Variants in C2CD2 observed in about 807,000 individuals in gnomAD.
C2CD2 encodes C2 domain-containing protein 2.
C2CD2 carries 43 observed loss-of-function variants against 74.3 expected under a neutral mutation model. The ratio of observed to expected loss-of-function variants is 0.58; its 90% CI spans 0.45 to 0.75. C2CD2 has a LOEUF of 0.75. Ranked by LOEUF, C2CD2 falls within the 30% of genes least tolerant of loss-of-function variation. The pLI, the probability that C2CD2 is intolerant of heterozygous loss-of-function variation, is 0.00. For missense variants in C2CD2, 801 were observed against 916.3 expected, an observed-to-expected ratio of 0.87 and a Z score of 1.63; for synonymous variants, 422 against 390.7, an observed-to-expected ratio of 1.08 and a Z score of -0.94.
intron 1 of C2CD2, among the ~76,000 whole-genome samples, chr21:41,942,473 C>CT (rs1367253513): frequency 6.6e-6 from 1 of 152,254 alleles, no homozygotes; most frequent in East Asian, 1.9e-4. Context: ...TGGGAGAAGG[C>CT]TGGGAAAGGA....
chr21:41,907,876 C>T, intron 8 of C2CD2, 92 bp from the exon 9 acceptor site: 9 of 1,359,880 alleles, frequency 6.6e-6, no homozygotes, highest in Middle Eastern at 2.3e-4. Context: ...AGCCGGAACA[C>T]GCTCCTCCCG....
intron 5 of C2CD2, among the ~76,000 whole-genome samples, chr21:41,915,438 T>C (rs893788544): frequency 5.3e-5 from 8 of 150,696 alleles, no homozygotes; most frequent in African/African-American, 2.0e-4. Context: ...CTGCCAAGAG[T>C]GTTCTTTTTT....
At chr21:41,909,726 G>A (rs569470948) in intron 7 of C2CD2, among the ~76,000 whole-genome samples, 2 of 152,286 alleles carry the variant, frequency 1.3e-5, no homozygotes, top group East Asian at 3.9e-4. Context: ...TCGGTGACTA[G>A]CCTTCCAGAG....
chr21:41,901,728 G>A lies in C2CD2; in HGVS notation c.1454C>T (p.Ser485Leu), dbSNP rs146103479. 22 of 1,613,892 alleles carry A rather than the reference G, an allele frequency of 1.4e-5. No homozygotes were observed. Among genetic ancestry groups the A allele is most frequent in the Middle Eastern group, 3.3e-4 (2 of 6,062 alleles). ...AATGGCCACTTCAGCCACTGGATCC[G>A]AACCATTCAACACCAACAATTCTAC... ...SDTELLVLNGSDPVAEVAIRQ... is the reference protein window; with the variant it reads ...SDTELLVLNGLDPVAEVAIRQ... The change falls in exon 12 of 14, where the codon TCG (serine) becomes TTG (leucine). Residue 485 changes from serine (S) to leucine (L), a missense_variant. Physicochemically the swap from Ser to Leu is moderately radical, Grantham distance 145 (BLOSUM62 -2). Coordinates refer to ENST00000380486, the MANE Select transcript of C2CD2 (RefSeq NM_015500.2).
Position 41,892,214 on chromosome 21 carries a change from T to G in C2CD2, c.1871-2870A>C, listed in dbSNP as rs1261658822. Among the ~76,000 whole-genome samples the G allele has an allele frequency of 6.6e-6, 1 of 152,084 alleles. No homozygotes were observed. The highest frequency in any genetic ancestry group is 2.4e-5 in the African/African-American group (1 of 41,398). On this transcript the variant is annotated intron_variant, in intron 13 of 13. Coordinates refer to ENST00000380486, the MANE Select transcript of C2CD2 (RefSeq NM_015500.2). This position sits in a 1 kb window ranked among gnomAD's most constrained non-coding sequence, Gnocchi z 4.6. ...TCACAGGAAGGATGCCACGTGAAGA[T>G]GAAGGCAGAGCACAGGGTGATGCTT...
chr21:41,937,831 G>A (rs2065321105), intron 2 of C2CD2, among the ~76,000 whole-genome samples: 1 of 152,180 alleles, frequency 6.6e-6, no homozygotes, highest in Non-Finnish European at 1.5e-5. Context: ...AGAACATTAT[G>A]TTAAGGGAAA....
rs1318041810 is a variant in C2CD2 at position 41,909,481 on chromosome 21, T to C, written c.996A>G (p.Ser332=). 1 of 1,613,760 alleles carries C rather than the reference T, an allele frequency of 6.2e-7. No homozygotes were observed. The highest frequency in any genetic ancestry group is 8.5e-7 in the Non-Finnish European group (1 of 1,179,634). The change falls in exon 8 of 14, where the codon TCA becomes TCG. Residue 332 remains serine (S), a synonymous_variant. Coordinates refer to ENST00000380486, the MANE Select transcript of C2CD2 (RefSeq NM_015500.2). ...CACCTTCTGAGGATCGCCCAGCCTCTGAAATCTGCAGGTGTAACTCCTTCG... is the reference window on the plus strand; with the variant it reads ...CACCTTCTGAGGATCGCCCAGCCTCCGAAATCTGCAGGTGTAACTCCTTCG... ...AKSKELHLQI[S]EAGRSSEGLL... is the part of the protein sequence containing the mutation.
rs950320332 is a variant in C2CD2, at chr21:41,923,630, A to G, written c.379-1545T>C. On this transcript the variant is annotated intron_variant, in intron 2 of 13. Coordinates refer to ENST00000380486, the MANE Select transcript of C2CD2 (RefSeq NM_015500.2). This position sits in a 1 kb window ranked among gnomAD's most constrained non-coding sequence, Gnocchi z 5.8. ...CAGAATTATAAAATGAGCTCGTTGA[A>G]GAAACTGTCAGACAGAGAAAGATAA... Among the ~76,000 whole-genome samples the G allele has an allele frequency of 6.6e-6, 1 of 152,226 alleles. No homozygotes were observed. Among genetic ancestry groups the G allele is most frequent in the African/African-American group, 2.4e-5 (1 of 41,464 alleles).
chr21:41,902,474 C>T (rs2064911075), intron 11 of C2CD2, among the ~76,000 whole-genome samples: 1 of 152,180 alleles, frequency 6.6e-6, no homozygotes, highest in Non-Finnish European at 1.5e-5. Flanking sequence ...CCTTTTATCC[C>T]ATTTGACCAT....
Position 41,907,660 on chromosome 21 carries a change from C to T in C2CD2, c.1143G>A (p.Glu381=). 1 of 1,610,980 alleles carries T rather than the reference C, an allele frequency of 6.2e-7. No homozygotes were observed. The highest frequency in any genetic ancestry group is 8.5e-7 in the Non-Finnish European group (1 of 1,179,468). Residue 381 remains glutamate, a splice_region_variant and synonymous_variant, in exon 9 of 14, where the codon GAG becomes GAA. Transcript: ENST00000380486. ...GSSVLGSVTA[E]FSYMEPGELK... ...GCCGCGGCGGACAGCCTCGCCCTAC[C>T]TCTGCCGTGACCGAGCCCAGCACCG...
chr21:41,917,979 C>A, intron 5 of C2CD2, 126 bp downstream of exon 5: 1 of 1,080,802 alleles, frequency 9.3e-7, no homozygotes, highest in Non-Finnish European at 1.4e-6. Context: ...CCAGCAAGCA[C>A]CCGAGCCATC....
At chr21:41,917,436 T>C (rs1282127559) in intron 5 of C2CD2, among the ~76,000 whole-genome samples, 2 of 152,242 alleles carry the variant, frequency 1.3e-5, no homozygotes, top group African/African-American at 2.4e-5. Context: ...GTGCCTGTTG[T>C]ACGTAATCAT....
At chr21:41,908,482 G>A (rs1483919947) in intron 8 of C2CD2, 1 of 152,354 alleles carries the variant, frequency 6.6e-6, no homozygotes, top group African/African-American at 2.4e-5. Flanking sequence ...AATGGGATCA[G>A]AAGTTGACTT....
intron 13 of C2CD2, among the ~76,000 whole-genome samples, chr21:41,898,693 G>A (rs1601550206): frequency 6.6e-6 from 1 of 152,308 alleles, no homozygotes; most frequent in East Asian, 1.9e-4. Flanking sequence ...AGTGGAAGGA[G>A]CCCCAGGCTC....
At chr21:41,912,881 A>G (rs1158879807) in intron 6 of C2CD2, among the ~76,000 whole-genome samples, 1 of 152,272 alleles carries the variant, frequency 6.6e-6, no homozygotes, top group Non-Finnish European at 1.5e-5. Context: ...CCCACTTCAG[A>G]GAGTGGGAAT....
In C2CD2 at chr21:41,926,465, G is replaced by A. The variant is rs569676309; in HGVS notation, c.379-4380C>T. On this transcript the variant is annotated intron_variant, in intron 2 of 13. Coordinates refer to ENST00000380486, the MANE Select transcript of C2CD2 (RefSeq NM_015500.2). The surrounding 1 kb of genome is among the most constrained non-coding windows in gnomAD (Gnocchi z 8.0). ...CAGCAGATGGAAGCACCACGGGGAG[G>A]GGAAAACAAGACTGAAGGCTGAAGA... The A allele has an allele frequency of 8.7e-6, 8 of 915,154 alleles. No homozygotes were observed. In the East Asian group the frequency reaches 7.1e-4, roughly 81 times the overall value. The allele number at this position is 915,154 out of a possible 1,614,324, so 56.7% of individuals were successfully genotyped here. A position where few individuals can be genotyped will look rare whatever the true frequency, so the allele number is the denominator to read the frequency against.
chr21:41,921,944 A>G (rs752349016), intron 3 of C2CD2, 28 bp downstream of exon 3: 4 of 1,435,238 alleles, frequency 2.8e-6, no homozygotes, highest in Admixed American at 1.7e-5. Flanking sequence ...GACGGGTCTC[A>G]TAACTTGCAA....
chr21:41,925,139 A>G (rs2065196205), intron 2 of C2CD2, among the ~76,000 whole-genome samples: 1 of 152,178 alleles, frequency 6.6e-6, no homozygotes, highest in African/African-American at 2.4e-5. Flanking sequence ...CCTACAGTGC[A>G]GACCAAGCCT....
At position 41,901,666 on chromosome 21, in the gene C2CD2, A is replaced by G; in HGVS notation, c.1516T>C (p.Ser506Pro). Residue 506 changes from serine (S) to proline (P), a missense_variant, in exon 12 of 14, where the codon TCG becomes CCG. Coordinates refer to ENST00000380486, the MANE Select transcript of C2CD2 (RefSeq NM_015500.2). ...ATAATAGTGCTTTTCTTCCGTGGCG[A>G]CTTGAGTTTCAGCTTTGAAGATTCA... ...LSESSKLKLK[S>P]PRKKSTIIIS... 1 of 1,614,124 alleles carries G rather than the reference A, an allele frequency of 6.2e-7. No homozygotes were observed. Among genetic ancestry groups the G allele is most frequent in the Non-Finnish European group, 8.5e-7 (1 of 1,179,972 alleles).
Sources: allele counts gnomAD v4.1 joint callset (sites outside exome capture counted in the v4.1 genomes callset), GRCh38; gene constraint gnomAD v4.1.1; non-coding constraint Gnocchi (gnomAD v3.1); transcripts MANE v1.5; gene names NCBI Gene and HGNC (gene_info 2026-07-23, HGNC 2026-07-21).